Variants in EEF1E1 observed in about 807,000 individuals in gnomAD.
EEF1E1 encodes eukaryotic translation elongation factor 1 epsilon-1.
EEF1E1 carries 19 observed loss-of-function variants against 19.9 expected under a neutral mutation model. That is an observed-to-expected ratio of 0.95 (90% CI 0.66 to 1.40). EEF1E1 has a LOEUF of 1.40. Among genes scored for constraint, EEF1E1 ranks in the 40% most tolerant of loss-of-function variants. EEF1E1 has a pLI of 0.00. For missense variants in EEF1E1, 198 were observed against 202.2 expected, an observed-to-expected ratio of 0.98 and a Z score of 0.13; for synonymous variants, 81 against 80.0, an observed-to-expected ratio of 1.01 and a Z score of -0.07.
downstream of EEF1E1, among the ~76,000 whole-genome samples, chr6:8,075,554 T>TA (rs111269610): frequency 6.6e-6 from 1 of 152,090 alleles, no homozygotes. Context: ...GCACCTTAAC[T>TA]AAAAAAAATT....
In EEF1E1 at chr6:8,079,736, T is replaced by A; in HGVS notation, c.*154A>T. On this transcript the variant is annotated 3_prime_UTR_variant, in exon 4 of 4. Coordinates refer to ENST00000379715, the MANE Select transcript of EEF1E1 (RefSeq NM_004280.5). ...TGCAAAACTTCAGCTAAAGAACAAA[T>A]AAAACATTCAGACACAAGTTTACAC... is the stretch of plus-strand genomic sequence containing the variant. 7.8e-7 allele frequency: 1 copy of A among 1,289,704 alleles called. No individual in the cohort carries two copies. The highest frequency in any genetic ancestry group is 9.8e-7 in the Non-Finnish European group (1 of 1,015,996). The allele number at this position is 1,289,704 out of a possible 1,614,324, so 79.9% of individuals were successfully genotyped here.
chr6:8,094,143 G>A (rs1758100615), intron 2 of EEF1E1, among the ~76,000 whole-genome samples: 1 of 152,006 alleles, frequency 6.6e-6, no homozygotes, highest in South Asian at 2.1e-4. Context: ...TAATTAAATT[G>A]GGGTAGTGAA....
intron 1 of EEF1E1, chr6:8,101,906 C>G: frequency 8.0e-7 from 1 of 1,244,232 alleles, no homozygotes; most frequent in South Asian, 1.3e-5. Flanking sequence ...CAACGTGGCA[C>G]TCTTCCAATT....
intron 3 of EEF1E1, among the ~76,000 whole-genome samples, chr6:8,085,790 C>A (rs919841301): frequency 2.0e-5 from 3 of 152,182 alleles, no homozygotes; most frequent in South Asian, 2.1e-4. Context: ...AGATATTTTT[C>A]TGACAATTTT....
chr6:8,074,725 G>C (rs548265476), downstream of EEF1E1, among the ~76,000 whole-genome samples: 1 of 152,314 alleles, frequency 6.6e-6, no homozygotes, highest in South Asian at 2.1e-4. Context: ...CTGAGAATAT[G>C]ATCTAACACT....
rs1222297439 is a variant in EEF1E1, at chr6:8,090,230, T to A, written c.340A>T (p.Thr114Ser). 2 of 1,525,560 alleles carry A rather than the reference T, an allele frequency of 1.3e-6. No individual in the cohort carries two copies. Among genetic ancestry groups the A allele is most frequent in the East Asian group, 5.0e-5 (2 of 39,830 alleles). 94.5% of individuals were successfully genotyped at this position (1,525,560 alleles called of 1,614,324 possible). A position where few individuals can be genotyped will look rare whatever the true frequency, so the allele number is the denominator to read the frequency against. Residue 114 changes from threonine (T) to serine (S), a missense_variant, in exon 3 of 4, where the codon ACA (threonine) becomes TCA (serine). By Grantham distance (58) the Thr-to-Ser change is moderately conservative (BLOSUM62 1). Coordinates refer to ENST00000379715, the MANE Select transcript of EEF1E1 (RefSeq NM_004280.5). The stretch of plus-strand genomic sequence containing the variant: ...TAGTACAATAGTATATCTGCTAATG[T>A]AAAGTTATACCCTGTAAGGTAGACT... Reference protein sequence around the residue: ...DKVYLTGYNFTLADILLYYGL... With the variant: ...DKVYLTGYNFSLADILLYYGL...
chr6:8,090,037 T>G (rs1136044), intron 3 of EEF1E1, 149 bp downstream of exon 3: 108,368 of 489,762 alleles, frequency 0.22, 13,221 homozygotes, highest in Non-Finnish European at 0.26. Flanking sequence ...AACGTGCAGG[T>G]TTGTTACAAA....
Position 8,090,221 on chromosome 6 carries a change from C to T in EEF1E1, c.349G>A (p.Asp117Asn), listed in dbSNP as rs758448982. The T allele has an allele frequency of 6.6e-7, 1 of 1,525,440 alleles. No individual in the cohort carries two copies. The highest frequency in any genetic ancestry group is 8.7e-7 in the Non-Finnish European group (1 of 1,145,060). 94.5% of individuals were successfully genotyped at this position (1,525,440 alleles called of 1,614,324 possible). A position where few individuals can be genotyped will look rare whatever the true frequency, so the allele number is the denominator to read the frequency against. The stretch of plus-strand genomic sequence containing the variant: ...TGAAGTCCATAGTACAATAGTATAT[C>T]TGCTAATGTAAAGTTATACCCTGTA... ...YLTGYNFTLA[D>N]ILLYYGLHRF... is the part of the protein sequence containing the mutation. Residue 117 changes from aspartate (D) to asparagine (N), a missense_variant, in exon 3 of 4, where the codon GAT becomes AAT. Physicochemically the swap from Asp to Asn is conservative, Grantham distance 23. Transcript: ENST00000379715.
At chr6:8,086,244 C>G (rs917021557) in intron 3 of EEF1E1, among the ~76,000 whole-genome samples, 6 of 152,048 alleles carry the variant, frequency 3.9e-5, no homozygotes, top group African/African-American at 1.4e-4. Flanking sequence ...AAAAGGAATC[C>G]ACTTCTATGA....
At chr6:8,096,936 C>T (rs1581474318) in intron 2 of EEF1E1, among the ~76,000 whole-genome samples, 1 of 151,026 alleles carries the variant, frequency 6.6e-6, no homozygotes, top group Non-Finnish European at 1.5e-5. Context: ...GGCATCACAT[C>T]AAAAAAACAA....
At chr6:8,100,225 A>G (rs1240853848) in intron 1 of EEF1E1, among the ~76,000 whole-genome samples, 1 of 152,158 alleles carries the variant, frequency 6.6e-6, no homozygotes. Flanking sequence ...ATCATTCCTC[A>G]TATTGGTTTA....
chr6:8,101,241 AAAATATAT>A (rs1242294194), intron 1 of EEF1E1, among the ~76,000 whole-genome samples: 1 of 75,490 alleles, frequency 1.3e-5, no homozygotes, highest in Non-Finnish European at 2.5e-5. Context: ...AAAAAAAAAA[AAAATATAT>A]ATATATATAT....
At chr6:8,083,840 C>A (rs967748168) in intron 3 of EEF1E1, among the ~76,000 whole-genome samples, 1 of 152,148 alleles carries the variant, frequency 6.6e-6, no homozygotes, top group South Asian at 2.1e-4. Context: ...CAGCAGGTGG[C>A]CAATCTGCAC....
chr6:8,095,793 A>G (rs866016138), intron 2 of EEF1E1, among the ~76,000 whole-genome samples: 1 of 152,330 alleles, frequency 6.6e-6, no homozygotes, highest in Middle Eastern at 3.4e-3. Context: ...CTGTCTTAAA[A>G]TAGCAAAACA....
At chr6:8,076,074 C>T (rs975173744), downstream of EEF1E1, among the ~76,000 whole-genome samples, 2 of 152,172 alleles carry the variant, frequency 1.3e-5, no homozygotes, top group Non-Finnish European at 2.9e-5. Flanking sequence ...ATTTCCACCA[C>T]ATCCGTAGTT....
chr6:8,080,620 C>T lies in EEF1E1; in HGVS notation c.385-590G>A, dbSNP rs868112376. Reference sequence around the variant, plus strand: ...GCTCAGAGATTTGGTTAGAGAGAGACGTGATACAAACTGCAGGTGCTTATC... The same window carrying T: ...GCTCAGAGATTTGGTTAGAGAGAGATGTGATACAAACTGCAGGTGCTTATC... On this transcript the variant is annotated intron_variant, in intron 3 of 3. Coordinates refer to ENST00000379715, the MANE Select transcript of EEF1E1 (RefSeq NM_004280.5). Among the ~76,000 whole-genome samples, 16 of 152,178 alleles carry T rather than the reference C, an allele frequency of 1.1e-4. 1 individual carries two copies. The highest frequency in any genetic ancestry group is 1.3e-4 in the Admixed American group (2 of 15,280).
At chr6:8,080,621 G>A (rs926287919) in intron 3 of EEF1E1, among the ~76,000 whole-genome samples, 13 of 152,214 alleles carry the variant, frequency 8.5e-5, no homozygotes, top group Non-Finnish European at 5.9e-5. Context: ...AGAGAGAGAC[G>A]TGATACAAAC....
downstream of EEF1E1, among the ~76,000 whole-genome samples, chr6:8,077,965 C>CG (rs1757638242): frequency 6.6e-6 from 1 of 152,184 alleles, no homozygotes; most frequent in African/African-American, 2.4e-5. Flanking sequence ...TTTGTAGAGA[C>CG]GGGGCTTTGT....
chr6:8,080,548 T>G (rs1236739581), intron 3 of EEF1E1, among the ~76,000 whole-genome samples: 3 of 152,190 alleles, frequency 2.0e-5, no homozygotes, highest in African/African-American at 7.2e-5. Flanking sequence ...ACTCAATCTT[T>G]TAGTGAATGG....
Sources: gnomAD v4.1 joint callset for allele counts (sites outside exome capture counted in the v4.1 genomes callset) on GRCh38, gnomAD v4.1.1 for gene constraint, MANE v1.5 for transcripts, NCBI Gene and HGNC (gene_info 2026-07-23, HGNC 2026-07-21) for gene names.